The following EOGT variants were observed in gnomAD, a reference collection of about 807,000 sequenced individuals.
EOGT encodes EGF domain-specific O-linked N-acetylglucosamine transferase.
EOGT carries 55 observed loss-of-function variants against 70.5 expected under a neutral mutation model. That is an observed-to-expected ratio of 0.78 (90% CI 0.63 to 0.98). The LOEUF (loss-of-function observed/expected upper bound fraction) is 0.98, where lower values mean the gene tolerates loss of function less well. Ranked by LOEUF, EOGT falls within the 50% of genes least tolerant of loss-of-function variation. EOGT has a pLI of 0.00. For missense variants in EOGT, 703 were observed against 641.9 expected (o/e 1.10, Z -1.03); for synonymous variants, 246 against 217.1 (o/e 1.13, Z -1.17).
At chr3:69,004,129 A>G (rs1396090688) in intron 8 of EOGT, among the ~76,000 whole-genome samples, 2 of 152,210 alleles carry the variant, frequency 1.3e-5, no homozygotes, top group Admixed American at 6.5e-5. Context: ...GTGAGTTAAT[A>G]AAAATGGATT....
chr3:68,983,898 G>A (rs1435935895), intron 14 of EOGT, among the ~76,000 whole-genome samples: 2 of 152,222 alleles, frequency 1.3e-5, no homozygotes, highest in Admixed American at 1.3e-4. Context: ...GAGAGATGGA[G>A]GCTGCAGTGA....
chr3:68,989,158 T>A (rs920400868), intron 10 of EOGT, 141 bp from the exon 11 acceptor site: 60 of 516,590 alleles, frequency 1.2e-4, no homozygotes, highest in African/African-American at 1.1e-3. Context: ...ACAAGCAAAA[T>A]GGATCTTCAT....
At chr3:69,002,107 G>A (rs550036288) in intron 8 of EOGT, among the ~76,000 whole-genome samples, 11 of 152,194 alleles carry the variant, frequency 7.2e-5, no homozygotes, top group South Asian at 4.1e-4. Flanking sequence ...CAGGAGAATC[G>A]CTTGAACCTG....
intron 9 of EOGT, among the ~76,000 whole-genome samples, chr3:68,999,453 T>G (rs1462150675): frequency 6.6e-6 from 1 of 152,190 alleles, no homozygotes; most frequent in Non-Finnish European, 1.5e-5. Flanking sequence ...GCATGCATTT[T>G]AAAGGTAGGA....
intron 10 of EOGT, among the ~76,000 whole-genome samples, chr3:68,996,512 A>T (rs772372152): frequency 6.6e-6 from 1 of 152,234 alleles, no homozygotes; most frequent in Non-Finnish European, 1.5e-5. Context: ...TTCCCTGAGT[A>T]CGCTGACTCC....
At chr3:69,007,679 A>C (rs1238444642) in intron 6 of EOGT, 34 bp downstream of exon 6, 1 of 1,336,548 alleles carries the variant, frequency 7.5e-7, no homozygotes, top group East Asian at 2.3e-5. Flanking sequence ...AAATTAAATA[A>C]ACAAGTTTAT....
chr3:68,999,799 A>G (rs1301739049), intron 9 of EOGT, among the ~76,000 whole-genome samples: 1 of 152,236 alleles, frequency 6.6e-6, no homozygotes, highest in Non-Finnish European at 1.5e-5. Flanking sequence ...AGCAAGCACA[A>G]ATCAGTGCTT....
chr3:68,978,366 C>T lies in EOGT; in HGVS notation c.1404G>A (p.Trp468Ter), dbSNP rs1179649831. The T allele has an allele frequency of 6.2e-7, 1 of 1,612,904 alleles. No individual in the cohort carries two copies. The highest frequency in any genetic ancestry group is 1.7e-5 in the Admixed American group (1 of 59,762). ...GAGGAAAGACTTTGTTCTGCCGTCG[C>T]CAAGTGATGTAGTGAACGCCTCTCA... The part of the protein sequence containing the change: ...ARLRGVHYIT[W>*]RRQNKVFPQD... Residue 468 changes from tryptophan (W) to a stop codon, truncating the protein, a stop_gained, in exon 17 of 18, where the codon TGG (tryptophan) becomes TGA (stop). Transcript: ENST00000383701. LOFTEE classifies it high-confidence loss of function.
At chr3:68,998,976 C>A (rs1559605758) in intron 9 of EOGT, among the ~76,000 whole-genome samples, 1 of 151,894 alleles carries the variant, frequency 6.6e-6, no homozygotes, top group Non-Finnish European at 1.5e-5. Context: ...TTACATGTAT[C>A]ATTCCTGGAA....
At chr3:69,010,852 C>T (rs1488362791) in intron 3 of EOGT, among the ~76,000 whole-genome samples, 1 of 152,168 alleles carries the variant, frequency 6.6e-6, no homozygotes, top group Non-Finnish European at 1.5e-5. Context: ...GGTATGAGCA[C>T]AGACAATGTT....
rs768997693 is a variant in EOGT, at chr3:69,009,689, T to C, written c.158A>G (p.Asn53Ser). The part of the protein sequence containing the change: ...PEEHIPFFLH[N>S]NRHIATVCRK... ...ACAGACAGTGGCAATATGCCTATTG[T>C]TGTGCAAAAAGAAGGGAATGTGCTC... is the stretch of plus-strand genomic sequence containing the variant. Residue 53 changes from asparagine to serine, a missense_variant, in exon 4 of 18, where the codon AAC becomes AGC. Physicochemically the swap from Asn to Ser is conservative, Grantham distance 46 (BLOSUM62 1). Transcript: ENST00000383701. 38 of 1,613,928 alleles carry C rather than the reference T, an allele frequency of 2.4e-5. No homozygotes were observed. The Middle Eastern group carries it at 1.3e-3, about 56-fold the overall frequency.
At chr3:68,982,284 C>G (rs970949646) in intron 15 of EOGT, among the ~76,000 whole-genome samples, 1 of 152,126 alleles carries the variant, frequency 6.6e-6, no homozygotes, top group African/African-American at 2.4e-5. Flanking sequence ...CTTTGGGAGG[C>G]AGAGGCGGGC....
At chr3:68,992,382 C>T (rs2091018171) in intron 10 of EOGT, among the ~76,000 whole-genome samples, 1 of 152,178 alleles carries the variant, frequency 6.6e-6, no homozygotes, top group Non-Finnish European at 1.5e-5. Context: ...CCATGCAAGT[C>T]CGAAATCCTG....
At chr3:68,979,284 G>A (rs769435974) in intron 16 of EOGT, among the ~76,000 whole-genome samples, 1 of 152,202 alleles carries the variant, frequency 6.6e-6, no homozygotes, top group Non-Finnish European at 1.5e-5. Context: ...AAGTTAAGTG[G>A]TTGGCTTGTG....
chr3:69,009,940 A>C (rs919593065), intron 3 of EOGT, 80 bp from the exon 4 acceptor site: 16 of 746,456 alleles, frequency 2.1e-5, no homozygotes, highest in East Asian at 1.3e-4. Flanking sequence ...CAACAAAAAA[A>C]AAAAAAAAAC....
rs1410315129 is a variant in EOGT, at chr3:69,009,627, T to G, written c.210+10A>C. On this transcript the variant is annotated intron_variant, in intron 4 of 17. Coordinates refer to ENST00000383701, the MANE Select transcript of EOGT (RefSeq NM_001278689.2). ...CTCATAAAAATAAGGAGAAAAGAAA[T>G]AATACCTACCTTATATGGACAAAGA... 6.2e-7 allele frequency: 1 copy of G among 1,602,652 alleles called. No homozygotes were observed. Among genetic ancestry groups the G allele is most frequent in the Admixed American group, 1.7e-5 (1 of 59,830 alleles).
rs564256550 is a variant in EOGT at position 69,013,677 on chromosome 3, C to T, written c.-459G>A. The T allele has an allele frequency of 6.5e-6, 1 of 152,860 alleles. No individual in the cohort carries two copies. The highest frequency in any genetic ancestry group is 2.4e-5 in the African/African-American group (1 of 41,600). 9.5% of individuals were successfully genotyped at this position (152,860 alleles called of 1,614,324 possible). On this transcript the variant is annotated 5_prime_UTR_variant, in exon 1 of 18. Transcript: ENST00000383701. The stretch of plus-strand genomic sequence containing the variant: ...ACCGGCTACTGCCGCTCACCGGAAA[C>T]CTCGGGCGCGGGAGCTGGGCCAGGG...
chr3:68,992,550 C>T (rs2091023333), intron 10 of EOGT, among the ~76,000 whole-genome samples: 1 of 152,172 alleles, frequency 6.6e-6, no homozygotes, highest in East Asian at 1.9e-4. Context: ...CTTTCACGGG[C>T]TGGCATTGAG....
At chr3:68,990,901 G>GAA (rs10576244) in intron 10 of EOGT, among the ~76,000 whole-genome samples, 2 of 132,446 alleles carry the variant, frequency 1.5e-5, no homozygotes, top group Non-Finnish European at 1.6e-5. Flanking sequence ...TGTTAGATGT[G>GAA]AAAAAAAAAA....
Sources: allele counts gnomAD v4.1 joint callset (sites outside exome capture counted in the v4.1 genomes callset), GRCh38; gene constraint gnomAD v4.1.1; transcripts MANE v1.5; gene names NCBI Gene and HGNC (gene_info 2026-07-23, HGNC 2026-07-21).